Variants in WDR91 observed in about 807,000 individuals in gnomAD.
WDR91 encodes the protein WD repeat domain 91.
WDR91 carries 52 observed loss-of-function variants against 88.4 expected under a neutral mutation model. The ratio of observed to expected loss-of-function variants is 0.59; its 90% CI spans 0.47 to 0.74. The LOEUF (loss-of-function observed/expected upper bound fraction) is 0.74. Ranked by LOEUF, WDR91 falls within the 30% of genes least tolerant of loss-of-function variation. The pLI is 0.00. For missense variants in WDR91, 824 were observed against 954.5 expected, an observed-to-expected ratio of 0.86 and a Z score of 1.80; for synonymous variants, 362 against 389.5, an observed-to-expected ratio of 0.93 and a Z score of 0.83.
chr7:135,208,655 C>T, intron 3 of WDR91, 136 bp downstream of exon 3: 3 of 700,164 alleles, frequency 4.3e-6, no homozygotes, highest in Non-Finnish European at 6.8e-6. Flanking sequence ...TTTGTCCAGC[C>T]CCCTCATGTG....
At position 135,208,906 on chromosome 7, in the gene WDR91, G is replaced by A. The variant is rs748709660; in HGVS notation, c.396C>T (p.Pro132=). ...QAEWKDWFVL[P]FLPSPDTNPT... ...GGTTGGTGTCCGGGGATGGCAGGAA[G>A]GGCAGGACAAACCAATCCTTCCACT... Residue 132 remains proline, a synonymous_variant, in exon 3 of 15, where the codon CCC becomes CCT. Transcript: ENST00000354475. 2 of 1,614,216 alleles carry A rather than the reference G, an allele frequency of 1.2e-6. No homozygotes were observed. The highest frequency in any genetic ancestry group is 2.2e-5 in the East Asian group (1 of 44,884).
chr7:135,195,717 T>C (rs1296906050), intron 8 of WDR91, among the ~76,000 whole-genome samples: 1 of 152,106 alleles, frequency 6.6e-6, no homozygotes, highest in Non-Finnish European at 1.5e-5. Context: ...GAGGCTGAGA[T>C]GGGCAGATCA....
intron 9 of WDR91, among the ~76,000 whole-genome samples, chr7:135,194,609 C>T (rs1183686410): frequency 4.6e-5 from 7 of 152,160 alleles, no homozygotes; most frequent in East Asian, 3.9e-4. Context: ...CACGGGAGGG[C>T]GCCCACTGAA....
rs1186153205 is a variant in WDR91 at position 135,194,996 on chromosome 7, C to T, written c.1333G>A (p.Ala445Thr). 1.9e-6 allele frequency: 3 copies of T among 1,614,116 alleles called. No individual in the cohort carries two copies. In the Admixed American group the frequency reaches 5.0e-5, roughly 27 times the overall value. Residue 445 changes from alanine to threonine, a missense_variant, in exon 9 of 15, where the codon GCA becomes ACA. Coordinates refer to ENST00000354475, the MANE Select transcript of WDR91 (RefSeq NM_014149.4). Reference protein sequence around the residue: ...WSFNPIMQTKASSISKSPLLS... With the variant: ...WSFNPIMQTKTSSISKSPLLS... The stretch of plus-strand genomic sequence containing the variant: ...AGCGGTGATTTGGAAATGGAGGATG[C>T]TTTGGTCTGCATGATGGGGTTGAAG...
In WDR91 at chr7:135,196,049, C is replaced by T. The variant is rs540310025; in HGVS notation, c.1244+95G>A. The T allele has an allele frequency of 2.5e-5, 32 of 1,277,916 alleles. No homozygotes were observed. In the Admixed American group the frequency reaches 4.6e-4, roughly 18 times the overall value. 79.2% of individuals were successfully genotyped at this position (1,277,916 alleles called of 1,614,324 possible). On this transcript the variant is annotated intron_variant, in intron 8 of 14. Transcript: ENST00000354475. This position sits in a 1 kb window ranked among gnomAD's most constrained non-coding sequence, Gnocchi z 4.2. ...CATGACTGTGGCCCTCGTCCAAGCC[C>T]CCATTCTCCGCCATCTCCTGCTGGC...
At chr7:135,206,227 G>A (rs1831775361) in intron 4 of WDR91, among the ~76,000 whole-genome samples, 169 bp from the exon 5 acceptor site, 1 of 152,180 alleles carries the variant, frequency 6.6e-6, no homozygotes. Flanking sequence ...AGTGACTGCT[G>A]TCACTGGACA....
Position 135,198,070 on chromosome 7 carries a change from A to T in WDR91, c.973T>A (p.Trp325Arg). ...LSGLATGESG[W>R]SQHRQRRLQD... Reference sequence around the variant, plus strand: ...AGGCGCCGCTGCCGGTGCTGTGACCAACCGGACTCCCCAGTGGCCAGCCCG... The same window carrying T: ...AGGCGCCGCTGCCGGTGCTGTGACCTACCGGACTCCCCAGTGGCCAGCCCG... The change falls in exon 7 of 15, where the codon TGG (tryptophan) becomes AGG (arginine). Residue 325 changes from tryptophan (W) to arginine (R), a missense_variant. By Grantham distance (101) the Trp-to-Arg change is moderately radical. Transcript: ENST00000354475. The T allele has an allele frequency of 6.2e-7, 1 of 1,614,114 alleles. No individual in the cohort carries two copies.
At chr7:135,211,258 G>A (rs1456552623) in intron 1 of WDR91, 122 bp downstream of exon 1, 3 of 1,420,180 alleles carry the variant, frequency 2.1e-6, no homozygotes, top group East Asian at 5.1e-5. Flanking sequence ...ACGCGCTGAG[G>A]TCTCCGGCGC....
chr7:135,209,621 C>T lies in WDR91; in HGVS notation c.258G>A (p.Lys86=). 3 of 1,610,674 alleles carry T rather than the reference C, an allele frequency of 1.9e-6. No homozygotes were observed. The highest frequency in any genetic ancestry group is 1.3e-5 in the African/African-American group (1 of 74,842). Residue 86 remains lysine (K), a synonymous_variant, in exon 2 of 15, where the codon AAG becomes AAA. Transcript: ENST00000354475. ...LEDIYRPTIH[K]LKTSLFRFYL... is the part of the protein sequence containing the mutation. Reference sequence around the variant, plus strand: ...AAAATCGAAACAGGCTGGTTTTCAGCTTGTGGATTGTGGGTCTGTATATAT... The same window carrying T: ...AAAATCGAAACAGGCTGGTTTTCAGTTTGTGGATTGTGGGTCTGTATATAT...
rs760630368 is a variant in WDR91, at chr7:135,205,938, C to T, written c.715G>A (p.Asp239Asn). ...PYVSNMDRLG[D>N]SELAMVCSQR... ...GTCACACACACTCACAGTTCCGAGT[C>T]CCCCAGGCGGTCCATGTTGGAGACA... Residue 239 changes from aspartate (D) to asparagine (N), a missense_variant, in exon 5 of 15, where the codon GAC becomes AAC. Transcript: ENST00000354475. The T allele has an allele frequency of 1.1e-5, 17 of 1,613,512 alleles. No homozygotes were observed. The highest frequency in any genetic ancestry group is 1.4e-5 in the Non-Finnish European group (16 of 1,179,994).
intron 11 of WDR91, 24 bp from the exon 12 acceptor site, chr7:135,189,476 C>G (rs368282012): frequency 1.2e-6 from 2 of 1,601,230 alleles, no homozygotes; most frequent in Non-Finnish European, 8.6e-7. Flanking sequence ...ACAAAAATGT[C>G]AGTAGCAGAT....
At chr7:135,203,936 A>C (rs1205299061) in intron 6 of WDR91, among the ~76,000 whole-genome samples, 1 of 152,216 alleles carries the variant, frequency 6.6e-6, no homozygotes, top group Admixed American at 6.5e-5. Context: ...TCTACCCAGC[A>C]ATCAAACACC....
intron 11 of WDR91, 79 bp from the exon 12 acceptor site, chr7:135,189,531 GC>G: frequency 1.7e-6 from 2 of 1,197,402 alleles, no homozygotes; most frequent in Non-Finnish European, 2.4e-6. Flanking sequence ...GCAGACAGGT[GC>G]CCCAGACTGG....
rs918535705 is a variant in WDR91, at chr7:135,186,298, C to A, written c.2097G>T (p.Lys699Asn). Residue 699 changes from lysine (K) to asparagine (N), a missense_variant, in exon 15 of 15, where the codon AAG becomes AAT. Transcript: ENST00000354475. ...CTAGGCTCAAGCAGCTCTCCAGAAC[C>A]TTCTCATCGCCACCCAGCTGCAAGA... ...GVIYKLGGDE[K>N]VLESCLSLGG... 1.9e-6 allele frequency: 3 copies of A among 1,612,558 alleles called. No individual in the cohort carries two copies. Among genetic ancestry groups the A allele is most frequent in the African/African-American group, 2.7e-5 (2 of 74,806 alleles).
intron 2 of WDR91, 128 bp from the exon 3 acceptor site, chr7:135,209,126 A>G (rs1433266327): frequency 1.1e-5 from 8 of 714,792 alleles, no homozygotes; most frequent in African/African-American, 5.4e-5. Context: ...ATAAAATTCC[A>G]TAATATAAAG....
At position 135,206,713 on chromosome 7, in the gene WDR91, G is replaced by A. The variant is rs1328512671; in HGVS notation, c.594+407C>T. ...TATGGGTTATAAACTATATATATGT[G>A]TGTGTGTGTATATATAGTTTATATA... On this transcript the variant is annotated intron_variant, in intron 4 of 14. Coordinates refer to ENST00000354475, the MANE Select transcript of WDR91 (RefSeq NM_014149.4). Among the ~76,000 whole-genome samples the A allele has an allele frequency of 3.3e-5, 5 of 151,382 alleles. No individual in the cohort carries two copies. The East Asian group carries it at 9.7e-4, about 29-fold the overall frequency.
chr7:135,186,873 G>C, intron 14 of WDR91, 99 bp downstream of exon 14: 1 of 1,398,456 alleles, frequency 7.2e-7, no homozygotes, highest in Admixed American at 1.7e-5. Flanking sequence ...CATGCAGCTC[G>C]GGGTAGAGGG....
rs202007493 is a variant in WDR91, at chr7:135,184,897, T to C, written c.*1254A>G. On this transcript the variant is annotated 3_prime_UTR_variant, in exon 15 of 15. Coordinates refer to ENST00000354475, the MANE Select transcript of WDR91 (RefSeq NM_014149.4). ...TCAAAAATGCTCCATAACCCAAAAC[T>C]TTTTTTTTTTTTGAGTTGGGTTCTC... is the stretch of plus-strand genomic sequence containing the variant. 1 of 43,976 alleles carries C rather than the reference T, an allele frequency of 2.3e-5. No individual in the cohort carries two copies. Among genetic ancestry groups the C allele is most frequent in the Non-Finnish European group, 5.0e-5 (1 of 19,870 alleles). The allele number at this position is 43,976 out of a possible 1,614,324, so 2.7% of individuals were successfully genotyped here. A position where few individuals can be genotyped will look rare whatever the true frequency, so the allele number is the denominator to read the frequency against.
At chr7:135,195,953 G>GA (rs934458938) in intron 8 of WDR91, among the ~76,000 whole-genome samples, 191 bp downstream of exon 8, 89 of 138,952 alleles carry the variant, frequency 6.4e-4, no homozygotes, top group South Asian at 9.1e-4. Flanking sequence ...TCTCAATAAG[G>GA]AAAAAAAAAA....
Sources: allele counts gnomAD v4.1 joint callset (sites outside exome capture counted in the v4.1 genomes callset), GRCh38; gene constraint gnomAD v4.1.1; non-coding constraint Gnocchi (gnomAD v3.1); transcripts MANE v1.5; gene names NCBI Gene and HGNC (gene_info 2026-07-23, HGNC 2026-07-21).